TRAF2: variants seen among roughly 807,000 people sequenced by gnomAD.
The protein encoded by TRAF2 is TNF receptor associated factor 2, also known as TNF receptor-associated factor 2.
In TRAF2, 6 loss-of-function variants were observed where a neutral mutation model predicts 55.6. The ratio of observed to expected loss-of-function variants is 0.11; its 90% CI spans 0.06 to 0.21. The LOEUF (loss-of-function observed/expected upper bound fraction) is 0.21. Ranked by LOEUF, TRAF2 falls within the 10% of genes least tolerant of loss-of-function variation. TRAF2 has a pLI of 1.00. For synonymous variants in TRAF2, 329 were observed against 276.3 expected (o/e 1.19, Z -1.89); for missense variants, 561 against 684.5 (o/e 0.82, Z 2.01).
intron 1 of TRAF2, 46 bp downstream of exon 1, chr9:136,886,587 GGT>G: frequency 5.1e-6 from 5 of 983,116 alleles, no homozygotes; most frequent in Non-Finnish European, 6.0e-6. Flanking sequence ...GCGGGCGCGG[GGT>G]CGGGTGCGGG....
chr9:136,908,368 G>A (rs1276893838), intron 5 of TRAF2, 137 bp downstream of exon 5: 12 of 996,664 alleles, frequency 1.2e-5, no homozygotes, highest in South Asian at 5.2e-5. Context: ...GGAGACACGC[G>A]GGCGGATGTT....
intron 9 of TRAF2, 49 bp from the exon 10 acceptor site, chr9:136,923,803 C>T (rs1178641428): frequency 2.5e-6 from 4 of 1,596,616 alleles, no homozygotes; most frequent in Middle Eastern, 1.7e-4. Flanking sequence ...GAGCCCTGCC[C>T]CGCCCTTGCT....
At position 136,923,989 on chromosome 9, in the gene TRAF2, T is replaced by C; in HGVS notation, c.1276T>C (p.Phe426Leu). The C allele has an allele frequency of 6.2e-7, 1 of 1,613,286 alleles. No individual in the cohort carries two copies. Among genetic ancestry groups the C allele is most frequent in the Non-Finnish European group, 8.5e-7 (1 of 1,179,906 alleles). ...GAATGACGCCCTGCTGCGGTGGCCC[T>C]TCAACCAGAAGGTGAGGCCGTCCCT... ...GPNDALLRWP[F>L]NQKVTLMLLD... is the part of the protein sequence containing the mutation. Residue 426 changes from phenylalanine to leucine, a missense_variant, in exon 10 of 11, where the codon TTC becomes CTC. Phe to Leu is a conservative substitution (Grantham distance 22). Transcript: ENST00000247668.
chr9:136,925,590 CCTG>C, intron 10 of TRAF2, 90 bp from the exon 11 acceptor site: 1 of 1,322,880 alleles, frequency 7.6e-7, no homozygotes, highest in Non-Finnish European at 1.1e-6. Context: ...GGGATGGCCT[CCTG>C]CTGGTGGCCC....
rs767957008 is a variant in TRAF2 at position 136,925,913 on chromosome 9, T to C, written c.*12T>C. 3 of 1,613,406 alleles carry C rather than the reference T, an allele frequency of 1.9e-6. No individual in the cohort carries two copies. Among genetic ancestry groups the C allele is most frequent in the East Asian group, 2.2e-5 (1 of 44,888 alleles). On this transcript the variant is annotated 3_prime_UTR_variant, in exon 11 of 11. Transcript: ENST00000247668. Reference sequence around the variant, plus strand: ...TGACAGGGCTCTAACTGCCCCCTACTGGTGTCTGGGGGTTGGGGGCAGCCA... The same window carrying C: ...TGACAGGGCTCTAACTGCCCCCTACCGGTGTCTGGGGGTTGGGGGCAGCCA...
At chr9:136,903,129 C>T (rs1265590745) in intron 4 of TRAF2, among the ~76,000 whole-genome samples, 2 of 152,046 alleles carry the variant, frequency 1.3e-5, no homozygotes, top group African/African-American at 4.8e-5. Flanking sequence ...TTTTATATTT[C>T]TAGTAGAGAT....
rs142208697 is a variant in TRAF2 at position 136,926,100 on chromosome 9, G to T, written c.*199G>T. 5.1e-6 allele frequency: 4 copies of T among 778,780 alleles called. No individual in the cohort carries two copies. The highest frequency in any genetic ancestry group is 9.1e-6 in the Non-Finnish European group (4 of 439,398). The allele number at this position is 778,780 out of a possible 1,614,324, so 48.2% of individuals were successfully genotyped here. On this transcript the variant is annotated 3_prime_UTR_variant, in exon 11 of 11. Coordinates refer to ENST00000247668, the MANE Select transcript of TRAF2 (RefSeq NM_021138.4). ...CCAGTCCTCAGATTTCAGAGACTGCGGAGGGGCTTGGCAGACGGTCTTAGC... is the reference window on the plus strand; with the variant it reads ...CCAGTCCTCAGATTTCAGAGACTGCTGAGGGGCTTGGCAGACGGTCTTAGC...
rs781202886 is a variant in TRAF2 at position 136,900,452 on chromosome 9, G to T, written c.298G>T (p.Val100Leu). ...AFPDNAARRE[V>L]ESLPAVCPSD... ...CCCAGATAATGCTGCCCGCAGGGAG[G>T]TGGAGAGCCTGCCGGCCGTCTGTCC... Residue 100 changes from valine (V) to leucine (L), a missense_variant, in exon 4 of 11, where the codon GTG becomes TTG. Physicochemically the swap from Val to Leu is conservative, Grantham distance 32 (BLOSUM62 1). Transcript: ENST00000247668. 2.2e-5 allele frequency: 35 copies of T among 1,611,232 alleles called. No homozygotes were observed. The East Asian group carries it at 7.1e-4, about 33-fold the overall frequency.
chr9:136,916,234 G>A (rs765226999), intron 6 of TRAF2, among the ~76,000 whole-genome samples: 3 of 150,408 alleles, frequency 2.0e-5, no homozygotes, highest in Non-Finnish European at 2.9e-5. Flanking sequence ...CCTCAGCACC[G>A]CATGTCCTGT....
chr9:136,911,261 C>T (rs988771381), intron 6 of TRAF2, among the ~76,000 whole-genome samples: 4 of 122,178 alleles, frequency 3.3e-5, no homozygotes, highest in Middle Eastern at 4.3e-3. Context: ...TCATCCTTCC[C>T]GTCTTTTTTT....
At chr9:136,919,213 A>G (rs1225213894) in intron 7 of TRAF2, among the ~76,000 whole-genome samples, 1 of 150,032 alleles carries the variant, frequency 6.7e-6, no homozygotes, top group East Asian at 2.0e-4. Flanking sequence ...GACATGTGCC[A>G]CCATGCCCAG....
rs138785475 is a variant in TRAF2 at position 136,925,032 on chromosome 9, T to C, written c.1288-651T>C. On this transcript the variant is annotated intron_variant, in intron 10 of 10. Coordinates refer to ENST00000247668, the MANE Select transcript of TRAF2 (RefSeq NM_021138.4). ...GATTGTAGGCGTGAGCCACTGTGCC[T>C]GGCCTATTTTGAAAATCAGAATCTA... Among the ~76,000 whole-genome samples the C allele has an allele frequency of 4.8e-3, 728 of 152,332 alleles. 6 individuals carry two copies. Among genetic ancestry groups the C allele is most frequent in the South Asian group, 0.034 (163 of 4,830 alleles).
rs975384964 is a variant in TRAF2 at position 136,924,879 on chromosome 9, C to T, written c.1288-804C>T. On this transcript the variant is annotated intron_variant, in intron 10 of 10. Coordinates refer to ENST00000247668, the MANE Select transcript of TRAF2 (RefSeq NM_021138.4). ...TCAGCCTCCTGAGTAGCTGGGACTACAGGCATGCACCACCACGCCCAGCTA... is the reference window on the plus strand; with the variant it reads ...TCAGCCTCCTGAGTAGCTGGGACTATAGGCATGCACCACCACGCCCAGCTA... Among the ~76,000 whole-genome samples the T allele has an allele frequency of 3.9e-5, 6 of 152,088 alleles. No homozygotes were observed. The East Asian group carries it at 5.9e-4, about 15-fold the overall frequency.
chr9:136,885,486 T>C (rs1289818287), upstream of TRAF2, among the ~76,000 whole-genome samples: 5 of 152,118 alleles, frequency 3.3e-5, no homozygotes, highest in Admixed American at 3.3e-4. Flanking sequence ...GGGCAGCCCC[T>C]GTTTTGGCCG....
At chr9:136,920,565 A>G (rs893230175) in intron 8 of TRAF2, 50 bp downstream of exon 8, 3 of 1,548,954 alleles carry the variant, frequency 1.9e-6, no homozygotes, top group East Asian at 2.3e-5. Flanking sequence ...GTAAAGGGGG[A>G]TAGTGTTCGT....
At chr9:136,891,343 C>T (rs1849576429) in intron 1 of TRAF2, among the ~76,000 whole-genome samples, 1 of 151,960 alleles carries the variant, frequency 6.6e-6, no homozygotes. Context: ...CTCCTGACCT[C>T]ATGATCCGCC....
At position 136,900,406 on chromosome 9, in the gene TRAF2, A is replaced by G. The variant is rs1437168901; in HGVS notation, c.268-16A>G. On this transcript the variant is annotated splice_polypyrimidine_tract_variant and intron_variant, in intron 3 of 10. Transcript: ENST00000247668. ...TCTGGGAGGAGGTTTAACCCGAGGGATATTCCTCTCCCCAGGCCTTCCCAG... is the reference window on the plus strand; with the variant it reads ...TCTGGGAGGAGGTTTAACCCGAGGGGTATTCCTCTCCCCAGGCCTTCCCAG... The G allele has an allele frequency of 6.4e-7, 1 of 1,567,958 alleles. No homozygotes were observed. The highest frequency in any genetic ancestry group is 1.4e-5 in the African/African-American group (1 of 74,016).
intron 4 of TRAF2, among the ~76,000 whole-genome samples, chr9:136,903,555 G>C (rs1226994725): frequency 3.0e-5 from 4 of 135,262 alleles, no homozygotes; most frequent in Non-Finnish European, 6.4e-5. Context: ...TTTTTAAACT[G>C]TGTCTGCTGT....
chr9:136,900,326 C>G, intron 3 of TRAF2, 96 bp from the exon 4 acceptor site: 1 of 750,048 alleles, frequency 1.3e-6, no homozygotes. Flanking sequence ...GGCGATGTGA[C>G]GCAGTATTGG....
Sources: allele counts gnomAD v4.1 joint callset (sites outside exome capture counted in the v4.1 genomes callset), GRCh38; gene constraint gnomAD v4.1.1; transcripts MANE v1.5; gene names NCBI Gene and HGNC (gene_info 2026-07-23, HGNC 2026-07-21).